Variants in ZNF146 observed in about 807,000 individuals in gnomAD.
The protein encoded by ZNF146 is zinc finger protein OZF.
Under a neutral mutation model 22.2 loss-of-function variants are expected in ZNF146, and 9 were observed. That is an observed-to-expected ratio of 0.41 (90% CI 0.24 to 0.71). The LOEUF is 0.71. ZNF146 is among the 30% of genes least tolerant of loss of function. ZNF146 has a pLI of 0.34. For missense variants in ZNF146, 194 were observed against 344.8 expected (o/e 0.56, Z 3.46); for synonymous variants, 108 against 119.2 (o/e 0.91, Z 0.61).
rs948566204 is a variant in ZNF146 at position 36,238,333 on chromosome 19, G to A, written c.*1014G>A. 1 of 166,988 alleles carries A rather than the reference G, an allele frequency of 6.0e-6. No homozygotes were observed. The highest frequency in any genetic ancestry group is 2.1e-4 in the South Asian group (1 of 4,826). The allele number at this position is 166,988 out of a possible 1,614,324, so 10.3% of individuals were successfully genotyped here. On this transcript the variant is annotated 3_prime_UTR_variant, in exon 4 of 4. Transcript: ENST00000443387. ...ATATGTATGTACATGTTTTTGAAAC[G>A]GATTGGAAGGATACAGACCAAACTC...
rs911144143 is a variant in ZNF146, at chr19:36,238,647, A to G, written c.*1328A>G. On this transcript the variant is annotated 3_prime_UTR_variant, in exon 4 of 4. Transcript: ENST00000443387. The stretch of plus-strand genomic sequence containing the variant: ...TCATGTTATACTGGATTCATTTCCA[A>G]TTAAATACTAAACATTTTATAGAAA... The G allele has an allele frequency of 1.2e-5, 2 of 167,236 alleles. No homozygotes were observed. Among genetic ancestry groups the G allele is most frequent in the Admixed American group, 1.3e-4 (2 of 15,306 alleles). 10.4% of individuals were successfully genotyped at this position (167,236 alleles called of 1,614,324 possible). A position where few individuals can be genotyped will look rare whatever the true frequency, so the allele number is the denominator to read the frequency against.
At chr19:36,222,190 T>C (rs759804155) in intron 2 of ZNF146, among the ~76,000 whole-genome samples, 20 of 152,166 alleles carry the variant, frequency 1.3e-4, no homozygotes, top group Non-Finnish European at 1.6e-4. Context: ...TCCCAAAGTG[T>C]TGGGATTACA....
chr19:36,234,565 T>C (rs1191592757), intron 3 of ZNF146, among the ~76,000 whole-genome samples: 1 of 152,098 alleles, frequency 6.6e-6, no homozygotes, highest in Non-Finnish European at 1.5e-5. Context: ...GCCCGGCTAA[T>C]TTTTTGTATT....
chr19:36,235,478 T>C (rs1227414017), intron 3 of ZNF146, among the ~76,000 whole-genome samples, 181 bp from the exon 4 acceptor site: 1 of 152,198 alleles, frequency 6.6e-6, no homozygotes, highest in Non-Finnish European at 1.5e-5. Context: ...TATTTTCATA[T>C]TGGGAGATGG....
intron 2 of ZNF146, among the ~76,000 whole-genome samples, chr19:36,219,088 G>A (rs1217663347): frequency 4.6e-5 from 7 of 152,260 alleles, no homozygotes; most frequent in South Asian, 4.1e-4. Context: ...GATTACAGGC[G>A]TGAGCCACTG....
chr19:36,221,284 C>CTTTTTTTTTT (rs74172797), intron 2 of ZNF146, among the ~76,000 whole-genome samples: 3 of 98,700 alleles, frequency 3.0e-5, no homozygotes, highest in African/African-American at 4.2e-5. Context: ...TAAGGGACTG[C>CTTTTTTTTTT]TTTTTTTTTT....
chr19:36,219,979 T>C lies in ZNF146; in HGVS notation c.-855+1784T>C, dbSNP rs150716548. ...AAACATCATCCTAAAGTTGTGTATA[T>C]TTAGCGTGTTCTAGAATCAGCTGCA... On this transcript the variant is annotated intron_variant, in intron 2 of 3. Transcript: ENST00000443387. 1.4e-3 allele frequency among the ~76,000 whole-genome samples: 206 copies of C among 152,320 alleles called. 1 individual carries two copies. The highest frequency in any genetic ancestry group is 4.5e-3 in the African/African-American group (188 of 41,578).
intron 3 of ZNF146, among the ~76,000 whole-genome samples, chr19:36,229,876 C>T (rs1977247727): frequency 6.6e-6 from 1 of 152,166 alleles, no homozygotes; most frequent in Admixed American, 6.5e-5. Flanking sequence ...TGTGCCATCA[C>T]ACCTGGCTAA....
Position 36,237,531 on chromosome 19 carries a change from G to T in ZNF146, c.*212G>T. 2.2e-6 allele frequency: 1 copy of T among 455,566 alleles called. No homozygotes were observed. 28.2% of individuals were successfully genotyped at this position (455,566 alleles called of 1,614,324 possible). A position where few individuals can be genotyped will look rare whatever the true frequency, so the allele number is the denominator to read the frequency against. ...GTCCAACAGAGAAACCTGCAGCAGA[G>T]ATAATGGTGAAAGTTTAGGCACATT... On this transcript the variant is annotated 3_prime_UTR_variant, in exon 4 of 4. Coordinates refer to ENST00000443387, the MANE Select transcript of ZNF146 (RefSeq NM_007145.3).
intron 2 of ZNF146, among the ~76,000 whole-genome samples, chr19:36,223,238 G>A (rs972871065): frequency 2.1e-4 from 32 of 151,146 alleles, no homozygotes; most frequent in Non-Finnish European, 4.0e-4. Context: ...TCAACATGGT[G>A]AAACCCCGTC....
intron 3 of ZNF146, among the ~76,000 whole-genome samples, chr19:36,233,560 G>A (rs112898804): frequency 2.0e-5 from 3 of 152,036 alleles, no homozygotes; most frequent in African/African-American, 4.8e-5. Flanking sequence ...ATTATCGGGC[G>A]TTTCTCGGAG....
At chr19:36,230,117 T>C (rs1977261022) in intron 3 of ZNF146, among the ~76,000 whole-genome samples, 1 of 152,220 alleles carries the variant, frequency 6.6e-6, no homozygotes, top group Admixed American at 6.5e-5. Context: ...TTATATTGCT[T>C]TGCAGAAATA....
chr19:36,220,463 C>T (rs1459660120), intron 2 of ZNF146, among the ~76,000 whole-genome samples: 1 of 151,984 alleles, frequency 6.6e-6, no homozygotes, highest in Admixed American at 6.6e-5. Context: ...CTCCTGGGTT[C>T]AAGTGATTCT....
chr19:36,236,396 T>G lies in ZNF146; in HGVS notation c.-45T>G. On this transcript the variant is annotated 5_prime_UTR_variant, in exon 4 of 4. Transcript: ENST00000443387. ...GTAAATCCTCACTCATCAAGAAATT[T>G]TTACTGGAGAGAAACCTTGTGAATG... 1 of 1,542,858 alleles carries G rather than the reference T, an allele frequency of 6.5e-7. No homozygotes were observed. The highest frequency in any genetic ancestry group is 8.7e-7 in the Non-Finnish European group (1 of 1,150,190).
chr19:36,237,393 C>A lies in ZNF146; in HGVS notation c.*74C>A. The stretch of plus-strand genomic sequence containing the variant: ...CACCTCATCATGCCCCAGAAATAAT[C>A]CTTCTGAAGCAAAGCACCACGAATG... On this transcript the variant is annotated 3_prime_UTR_variant, in exon 4 of 4. Coordinates refer to ENST00000443387, the MANE Select transcript of ZNF146 (RefSeq NM_007145.3). 1 of 1,493,318 alleles carries A rather than the reference C, an allele frequency of 6.7e-7. No homozygotes were observed. Among genetic ancestry groups the A allele is most frequent in the South Asian group, 1.4e-5 (1 of 71,694 alleles). 92.5% of individuals were successfully genotyped at this position (1,493,318 alleles called of 1,614,324 possible).
chr19:36,237,002 G>T lies in ZNF146; in HGVS notation c.562G>T (p.Glu188Ter). ...TGGAGAGAAACCCTATGAATGTAAC[G>T]AATGTGGAAAAGCCTTCTCTCAGCG... ...HTGEKPYECN[E>*]CGKAFSQRTS... Residue 188 changes from glutamate to a stop codon, truncating the protein, a stop_gained, in exon 4 of 4, where the codon GAA becomes TAA. Coordinates refer to ENST00000443387, the MANE Select transcript of ZNF146 (RefSeq NM_007145.3). LOFTEE classifies it high-confidence loss of function. The T allele has an allele frequency of 6.2e-7, 1 of 1,614,186 alleles. No homozygotes were observed. The highest frequency in any genetic ancestry group is 1.1e-5 in the South Asian group (1 of 91,056).
intron 2 of ZNF146, among the ~76,000 whole-genome samples, chr19:36,218,672 C>T (rs1457641195): frequency 3.3e-5 from 5 of 151,800 alleles, no homozygotes; most frequent in South Asian, 2.1e-4. Flanking sequence ...GGTTTCACCG[C>T]GTTAGCCAGG....
At chr19:36,235,327 C>T (rs538104180) in intron 3 of ZNF146, among the ~76,000 whole-genome samples, 1 of 152,164 alleles carries the variant, frequency 6.6e-6, no homozygotes, top group Non-Finnish European at 1.5e-5. Flanking sequence ...TGTTATACAA[C>T]TTGCTAAATT....
Position 36,235,765 on chromosome 19 carries a change from G to C in ZNF146, c.-676G>C, listed in dbSNP as rs994683937. 1 of 152,208 alleles carries C rather than the reference G, an allele frequency of 6.6e-6. No homozygotes were observed. The highest frequency in any genetic ancestry group is 2.4e-5 in the African/African-American group (1 of 41,436). 9.4% of individuals were successfully genotyped at this position (152,208 alleles called of 1,614,324 possible). A position where few individuals can be genotyped will look rare whatever the true frequency, so the allele number is the denominator to read the frequency against. Reference sequence around the variant, plus strand: ...TCTCCAGGAAAGACTGAGAAAAAGAGCGTTGAATATAAGAAAAAATACTTC... The same window carrying C: ...TCTCCAGGAAAGACTGAGAAAAAGACCGTTGAATATAAGAAAAAATACTTC... On this transcript the variant is annotated 5_prime_UTR_variant, in exon 4 of 4. Coordinates refer to ENST00000443387, the MANE Select transcript of ZNF146 (RefSeq NM_007145.3).
Sources: allele counts gnomAD v4.1 joint callset (sites outside exome capture counted in the v4.1 genomes callset), GRCh38; gene constraint gnomAD v4.1.1; transcripts MANE v1.5; gene names NCBI Gene and HGNC (gene_info 2026-07-23, HGNC 2026-07-21).